ITGA3: variants seen among roughly 807,000 people sequenced by gnomAD.
ITGA3 encodes the protein integrin alpha-3.
Under a neutral mutation model 131.1 loss-of-function variants are expected in ITGA3, and 70 were observed. The ratio of observed to expected loss-of-function variants is 0.53; its 90% CI spans 0.44 to 0.65. The LOEUF is 0.65. Ranked by LOEUF, ITGA3 falls within the 30% of genes least tolerant of loss-of-function variation. The pLI is 0.00. For synonymous variants in ITGA3, 537 were observed against 571.6 expected, an observed-to-expected ratio of 0.94 and a Z score of 0.86; for missense variants, 1,098 against 1,388.6, an observed-to-expected ratio of 0.79 and a Z score of 3.33.
At position 50,068,086 on chromosome 17, in the gene ITGA3, T is replaced by C; in HGVS notation, c.445T>C (p.Trp149Arg). Residue 149 changes from tryptophan to arginine, a missense_variant, in exon 4 of 26, where the codon TGG becomes CGG. Physicochemically the swap from Trp to Arg is moderately radical, Grantham distance 101. Coordinates refer to ENST00000320031, the MANE Select transcript of ITGA3 (RefSeq NM_002204.4). ...VCAHRYTQVL[W>R]SGSEDQRRMV... ...TGCCCACCGCTACACCCAGGTGCTG[T>C]GGTCAGGGTCAGAAGACCAGCGGCG... 1 of 1,614,106 alleles carries C rather than the reference T, an allele frequency of 6.2e-7. No individual in the cohort carries two copies. Among genetic ancestry groups the C allele is most frequent in the Non-Finnish European group, 8.5e-7 (1 of 1,180,040 alleles).
chr17:50,073,555 C>T (rs1908725977), intron 7 of ITGA3, among the ~76,000 whole-genome samples: 2 of 151,872 alleles, frequency 1.3e-5, no homozygotes, highest in South Asian at 4.2e-4. Flanking sequence ...TGTGCCACTG[C>T]ACTCCAGCCT....
In ITGA3 at chr17:50,089,514, A is replaced by G. The variant is rs1820656519; in HGVS notation, c.*436A>G. Reference sequence around the variant, plus strand: ...TGTGCCCTAGATGCACGTGGGGCCCACTGCTCGTGGACTGTGCTGGTGCAT... The same window carrying G: ...TGTGCCCTAGATGCACGTGGGGCCCGCTGCTCGTGGACTGTGCTGGTGCAT... On this transcript the variant is annotated 3_prime_UTR_variant, in exon 26 of 26. Coordinates refer to ENST00000320031, the MANE Select transcript of ITGA3 (RefSeq NM_002204.4). The G allele has an allele frequency of 1.9e-6, 1 of 531,188 alleles. No homozygotes were observed. The highest frequency in any genetic ancestry group is 1.9e-5 in the African/African-American group (1 of 52,540). The allele number at this position is 531,188 out of a possible 1,614,324, so 32.9% of individuals were successfully genotyped here. A position where few individuals can be genotyped will look rare whatever the true frequency, so the allele number is the denominator to read the frequency against.
chr17:50,073,846 G>A, intron 7 of ITGA3, 70 bp from the exon 8 acceptor site: 1 of 1,127,750 alleles, frequency 8.9e-7, no homozygotes, highest in South Asian at 1.2e-5. Context: ...TGTATGGCCT[G>A]GAGCAAAGAG....
chr17:50,078,072 C>A lies in ITGA3; in HGVS notation c.2166C>A (p.Val722=), dbSNP rs781708810. The part of the protein sequence containing the change: ...QRMELLIAFE[V]IGVTLHTRDL... ...TGGAGCTGCTCATCGCCTTTGAGGTCATCGGGGTGACCCTGCACACAAGGG... is the reference window on the plus strand; with the variant it reads ...TGGAGCTGCTCATCGCCTTTGAGGTAATCGGGGTGACCCTGCACACAAGGG... Residue 722 remains valine (V), a synonymous_variant, in exon 17 of 26, where the codon GTC becomes GTA. Coordinates refer to ENST00000320031, the MANE Select transcript of ITGA3 (RefSeq NM_002204.4). The A allele has an allele frequency of 1.9e-6, 3 of 1,613,486 alleles. No individual in the cohort carries two copies. Among genetic ancestry groups the A allele is most frequent in the Non-Finnish European group, 1.7e-6 (2 of 1,179,460 alleles).
At chr17:50,081,152 A>G (rs183997948) in intron 22 of ITGA3, 158 bp from the exon 23 acceptor site, 7 of 595,464 alleles carry the variant, frequency 1.2e-5, no homozygotes, top group African/African-American at 9.3e-5. Context: ...AATGATGCGC[A>G]TTTGTGTGTG....
chr17:50,072,261 T>A, intron 7 of ITGA3, 79 bp downstream of exon 7: 1 of 1,326,676 alleles, frequency 7.5e-7, no homozygotes, highest in South Asian at 1.3e-5. Flanking sequence ...GAGCACCAGC[T>A]GCACATCAGG....
At position 50,079,194 on chromosome 17, in the gene ITGA3, G is replaced by A; in HGVS notation, c.2519G>A (p.Gly840Asp). 1.2e-6 allele frequency: 2 copies of A among 1,614,032 alleles called. No homozygotes were observed. ...LLYPTEITVHGNGSWPCRPPG... is the reference protein window; with the variant it reads ...LLYPTEITVHDNGSWPCRPPG... The stretch of plus-strand genomic sequence containing the variant: ...TATCCCACGGAGATCACCGTCCATG[G>A]CAATGGGTCCTGGCCCTGCCGACCA... Residue 840 changes from glycine to aspartate, a missense_variant, in exon 20 of 26, where the codon GGC becomes GAC. By Grantham distance (94) the Gly-to-Asp change is moderately conservative. Transcript: ENST00000320031.
rs1019589064 is a variant in ITGA3 at position 50,076,789 on chromosome 17, C to T, written c.1922+108C>T. 9.8e-6 allele frequency: 12 copies of T among 1,222,006 alleles called. No individual in the cohort carries two copies. In the African/African-American group the frequency reaches 1.8e-4, roughly 18 times the overall value. The allele number at this position is 1,222,006 out of a possible 1,614,324, so 75.7% of individuals were successfully genotyped here. A position where few individuals can be genotyped will look rare whatever the true frequency, so the allele number is the denominator to read the frequency against. On this transcript the variant is annotated intron_variant, in intron 14 of 25. Coordinates refer to ENST00000320031, the MANE Select transcript of ITGA3 (RefSeq NM_002204.4). ...TGGCAAGGCGAGCCCAGGGACAGGG[C>T]TTTAGCGGGAACAGGTGGGATGGTC...
Position 50,075,681 on chromosome 17 carries a change from C to A in ITGA3, c.1620C>A (p.His540Gln). The A allele has an allele frequency of 1.2e-6, 2 of 1,614,178 alleles. No individual in the cohort carries two copies. Among genetic ancestry groups the A allele is most frequent in the Non-Finnish European group, 1.7e-6 (2 of 1,180,016 alleles). The change falls in exon 12 of 26, where the codon CAC becomes CAA. Residue 540 changes from histidine to glutamine, a missense_variant. His to Gln is a conservative substitution (Grantham distance 24). Around this residue, in one of 3 missense-constraint regions of ITGA3, gnomAD observed 699 missense variants for 829.2 expected, o/e 0.84. Coordinates refer to ENST00000320031, the MANE Select transcript of ITGA3 (RefSeq NM_002204.4). Reference protein sequence around the residue: ...RFAGSESAVFHGFFSMPEMRC... With the variant: ...RFAGSESAVFQGFFSMPEMRC... ...CCGGCAGTGAGTCCGCTGTCTTCCA[C>A]GGCTTCTTCTCCATGCCCGAGATGC... is the stretch of plus-strand genomic sequence containing the variant.
chr17:50,083,723 C>A (rs1474018825), intron 23 of ITGA3, among the ~76,000 whole-genome samples: 1,498 of 124,408 alleles, frequency 0.012, no homozygotes, highest in Non-Finnish European at 0.014. Context: ...CATCTTGCCT[C>A]AAAAAAAAAA....
chr17:50,081,216 G>A, intron 22 of ITGA3, 94 bp from the exon 23 acceptor site: 1 of 733,594 alleles, frequency 1.4e-6, no homozygotes. Flanking sequence ...GATGCTACTT[G>A]GTGGGAGGGT....
At position 50,079,217 on chromosome 17, in the gene ITGA3, C is replaced by T. The variant is rs761531265; in HGVS notation, c.2542C>T (p.Pro848Ser). ...VHGNGSWPCR[P>S]PGDLINPLNL... ...TGGCAATGGGTCCTGGCCCTGCCGA[C>T]CACCTGGAGACCTTATCAACCCTCT... The change falls in exon 20 of 26, where the codon CCA (proline) becomes TCA (serine). Residue 848 changes from proline (P) to serine (S), a missense_variant. Physicochemically the swap from Pro to Ser is moderately conservative, Grantham distance 74. Coordinates refer to ENST00000320031, the MANE Select transcript of ITGA3 (RefSeq NM_002204.4). 1.2e-6 allele frequency: 2 copies of T among 1,613,926 alleles called. No individual in the cohort carries two copies. The highest frequency in any genetic ancestry group is 2.7e-5 in the African/African-American group (2 of 74,858).
intron 23 of ITGA3, among the ~76,000 whole-genome samples, chr17:50,085,886 G>A (rs112881828): frequency 0.042 from 4,261 of 101,514 alleles, 37 homozygotes; most frequent in East Asian, 0.16. Flanking sequence ...GATTTATAAT[G>A]TATATTAGAT....
chr17:50,076,480 G>A lies in ITGA3; in HGVS notation c.1824+5G>A. 1 of 1,608,350 alleles carries A rather than the reference G, an allele frequency of 6.2e-7. No individual in the cohort carries two copies. The highest frequency in any genetic ancestry group is 1.3e-5 in the African/African-American group (1 of 75,054). Reference sequence around the variant, plus strand: ...GCTCTGGAGAACCACACTGAGGTGAGTGGGGCTGGCGCCTGGACTGGAAGA... The same window carrying A: ...GCTCTGGAGAACCACACTGAGGTGAATGGGGCTGGCGCCTGGACTGGAAGA... On this transcript the variant is annotated splice_donor_5th_base_variant and intron_variant, in intron 13 of 25. Transcript: ENST00000320031.
intron 1 of ITGA3, chr17:50,063,700 T>G: frequency 4.3e-6 from 1 of 234,342 alleles, no homozygotes; most frequent in Non-Finnish European, 8.4e-6. Flanking sequence ...AGGTCTCTGA[T>G]TCACCCTGCT....
rs749846498 is a variant in ITGA3, at chr17:50,073,923, T to C, written c.1164T>C (p.Ala388=). 1 of 1,614,024 alleles carries C rather than the reference T, an allele frequency of 6.2e-7. No homozygotes were observed. The highest frequency in any genetic ancestry group is 2.2e-5 in the East Asian group (1 of 44,890). The change falls in exon 8 of 26, where the codon GCT becomes GCC. Residue 388 remains alanine, a synonymous_variant. Transcript: ENST00000320031. The part of the protein sequence containing the change: ...DINQDGFQDI[A]VGAPFEGLGK... ...TTGCCTTTTCTTCTGCAGATATTGCTGTGGGAGCTCCGTTTGAAGGCTTGG... is the reference window on the plus strand; with the variant it reads ...TTGCCTTTTCTTCTGCAGATATTGCCGTGGGAGCTCCGTTTGAAGGCTTGG...
intron 21 of ITGA3, among the ~76,000 whole-genome samples, chr17:50,079,993 G>A (rs1909110795): frequency 6.6e-6 from 1 of 152,210 alleles, no homozygotes; most frequent in African/African-American, 2.4e-5. Context: ...CTGGGAAGCA[G>A]GTGTAGGCGG....
chr17:50,081,199 G>A (rs890387983), intron 22 of ITGA3, 111 bp from the exon 23 acceptor site: 2 of 667,680 alleles, frequency 3.0e-6, no homozygotes, highest in African/African-American at 1.8e-5. Flanking sequence ...TTGGGGTGCT[G>A]TTTAAGGATG....
At position 50,080,276 on chromosome 17, in the gene ITGA3, G is replaced by A; in HGVS notation, c.2721G>A (p.Gly907=). 6.2e-7 allele frequency: 1 copy of A among 1,610,724 alleles called. No homozygotes were observed. The highest frequency in any genetic ancestry group is 1.1e-5 in the South Asian group (1 of 90,804). Residue 907 remains glycine (G), a synonymous_variant, in exon 22 of 26, where the codon GGG becomes GGA. Coordinates refer to ENST00000320031, the MANE Select transcript of ITGA3 (RefSeq NM_002204.4). ...KSETVLTCAT[G]RAHCVWLECP... is the part of the protein sequence containing the mutation. The stretch of plus-strand genomic sequence containing the variant: ...GCCCGCCTCAGACCTGTGCCACAGG[G>A]CGTGCCCACTGTGTGTGGCTAGAGT...
Sources: gnomAD v4.1 joint callset for allele counts (sites outside exome capture counted in the v4.1 genomes callset) on GRCh38, gnomAD v4.1.1 for gene constraint, gnomAD v4.1.1 regional missense constraint, MANE v1.5 for transcripts, NCBI Gene and HGNC (gene_info 2026-07-23, HGNC 2026-07-21) for gene names.